AGMO: variants seen among roughly 807,000 people sequenced by gnomAD.
AGMO encodes glyceryl-ether monooxygenase.
Under a neutral mutation model 60.2 loss-of-function variants are expected in AGMO, and 75 were observed. That is an observed-to-expected ratio of 1.25 (90% confidence interval 1.03 to 1.51). The LOEUF is 1.51. Ranked by LOEUF, AGMO falls within the 40% of genes most tolerant of loss-of-function variation. The pLI is 0.00. For missense variants in AGMO, 763 were observed against 525.5 expected, an observed-to-expected ratio of 1.45 and a Z score of -4.42; for synonymous variants, 261 against 177.1, an observed-to-expected ratio of 1.47 and a Z score of -3.76.
chr7:15,526,800 T>TA (rs1562553009), intron 3 of AGMO, among the ~76,000 whole-genome samples: 1 of 152,026 alleles, frequency 6.6e-6, no homozygotes, highest in Non-Finnish European at 1.5e-5. Flanking sequence ...TCACCACCAT[T>TA]TTTCCAACAG....
rs778682979 is a variant in AGMO, at chr7:15,462,877, T to TA, written c.410-31770dup. On this transcript the variant is annotated intron_variant, in intron 3 of 12. Coordinates refer to ENST00000342526, the MANE Select transcript of AGMO (RefSeq NM_001004320.2). Reference sequence around the variant, plus strand: ...TCATGTCTGCCCTAAAAGTATCTTCTAAAACTCAATGAGTCAAATTTCCTG... The same window carrying TA: ...TCATGTCTGCCCTAAAAGTATCTTCTAAAAACTCAATGAGTCAAATTTCCTG... Among the ~76,000 whole-genome samples the TA allele has an allele frequency of 2.0e-5, 3 of 152,270 alleles. No individual in the cohort carries two copies. In the East Asian group the frequency reaches 5.8e-4, roughly 29 times the overall value.
At chr7:15,215,157 A>G (rs1781700590) in intron 12 of AGMO, among the ~76,000 whole-genome samples, 1 of 152,064 alleles carries the variant, frequency 6.6e-6, no homozygotes, top group Non-Finnish European at 1.5e-5. Context: ...AGTCCACCAC[A>G]GAGTATTTAC....
chr7:15,382,055 A>T (rs954284260), intron 10 of AGMO, among the ~76,000 whole-genome samples: 1 of 151,998 alleles, frequency 6.6e-6, no homozygotes, highest in Non-Finnish European at 1.5e-5. Context: ...AGAGGATTTT[A>T]CTATTGGGTA....
At chr7:15,252,092 C>T (rs56400203) in intron 12 of AGMO, among the ~76,000 whole-genome samples, 1 of 152,300 alleles carries the variant, frequency 6.6e-6, no homozygotes, top group Admixed American at 6.5e-5. Context: ...AGAAGTTTAA[C>T]TGAAGATCTG....
At chr7:15,412,311 A>C (rs1170522647) in intron 5 of AGMO, among the ~76,000 whole-genome samples, 1 of 152,020 alleles carries the variant, frequency 6.6e-6, no homozygotes, top group Non-Finnish European at 1.5e-5. Context: ...GCTGAGAAGA[A>C]TTTGTTTTCC....
chr7:15,244,563 A>C (rs574051671), intron 12 of AGMO, among the ~76,000 whole-genome samples: 1 of 151,886 alleles, frequency 6.6e-6, no homozygotes, highest in Non-Finnish European at 1.5e-5. Context: ...GGTGTACTAT[A>C]AACAGATTGA....
intron 10 of AGMO, among the ~76,000 whole-genome samples, chr7:15,370,121 T>C (rs1457876566): frequency 6.6e-6 from 1 of 152,154 alleles, no homozygotes; most frequent in Non-Finnish European, 1.5e-5. Flanking sequence ...GTACCCAATG[T>C]TTAGCTTCCA....
chr7:15,300,326 A>G (rs754171446), intron 12 of AGMO, among the ~76,000 whole-genome samples: 5 of 152,200 alleles, frequency 3.3e-5, no homozygotes, highest in Non-Finnish European at 7.3e-5. Context: ...CAACAAACAT[A>G]GAGTCCAGAT....
At chr7:15,137,288 C>CG in the AGMO span, among the ~76,000 whole-genome samples, 1 of 152,122 alleles carries the variant, frequency 6.6e-6, no homozygotes, top group Admixed American at 6.5e-5. Flanking sequence ...GGAACGATTA[C>CG]TTTTTTATAC....
At chr7:15,170,515 T>A in the AGMO span, among the ~76,000 whole-genome samples, 1 of 152,198 alleles carries the variant, frequency 6.6e-6, no homozygotes, top group Non-Finnish European at 1.5e-5. Context: ...TGCATACATC[T>A]ATATGCACTT....
At chr7:15,274,547 G>C (rs891872956) in intron 12 of AGMO, among the ~76,000 whole-genome samples, 3 of 151,942 alleles carry the variant, frequency 2.0e-5, no homozygotes, top group African/African-American at 7.2e-5. Context: ...TTGTGTTGTT[G>C]TGTCCTTTCT....
At chr7:15,455,392 A>T (rs987212846) in intron 3 of AGMO, among the ~76,000 whole-genome samples, 3 of 152,108 alleles carry the variant, frequency 2.0e-5, no homozygotes, top group African/African-American at 7.2e-5. Context: ...ATTTTTGGAC[A>T]TCATTTATGG....
At chr7:15,529,642 ATATACTAT>A (rs1429230017) in intron 3 of AGMO, among the ~76,000 whole-genome samples, 1 of 21,720 alleles carries the variant, frequency 4.6e-5, no homozygotes. Flanking sequence ...GAATATATAT[ATATACTAT>A]ATATTCTATA....
At chr7:15,418,364 C>T (rs530722139) in intron 5 of AGMO, among the ~76,000 whole-genome samples, 194 bp downstream of exon 5, 1 of 151,708 alleles carries the variant, frequency 6.6e-6, no homozygotes, top group African/African-American at 2.4e-5. Flanking sequence ...TAATTGAGAC[C>T]AACTGGCCTC....
intron 2 of AGMO, among the ~76,000 whole-genome samples, chr7:15,547,291 GGAAGAAAGATTAAAACAGGGA>G (rs1291940872): frequency 6.6e-6 from 1 of 152,074 alleles, no homozygotes; most frequent in Non-Finnish European, 1.5e-5. Context: ...CAACTGATCT[GGAAGAAAGATTAAAACAGGGA>G]GCCAAGATGG....
At chr7:15,251,891 A>G (rs1782948201) in intron 12 of AGMO, among the ~76,000 whole-genome samples, 1 of 152,236 alleles carries the variant, frequency 6.6e-6, no homozygotes, top group Non-Finnish European at 1.5e-5. Flanking sequence ...TGCAAGAGGC[A>G]TGCTAGTTAT....
intron 3 of AGMO, among the ~76,000 whole-genome samples, chr7:15,463,674 A>C (rs1305376964): frequency 6.6e-6 from 1 of 152,136 alleles, no homozygotes; most frequent in Non-Finnish European, 1.5e-5. Context: ...GAGCCAGTGC[A>C]TCTATCTAGA....
intron 3 of AGMO, among the ~76,000 whole-genome samples, chr7:15,542,956 T>A (rs532907064): frequency 2.6e-4 from 40 of 152,320 alleles, no homozygotes; most frequent in Non-Finnish European, 7.4e-5. Flanking sequence ...TAAACGATGC[T>A]ATATTTAAAT....
intron 12 of AGMO, among the ~76,000 whole-genome samples, chr7:15,353,327 G>T (rs1348709469): frequency 6.6e-6 from 1 of 152,152 alleles, no homozygotes; most frequent in African/African-American, 2.4e-5. Flanking sequence ...CATGCAGAAA[G>T]CTGGATTTCT....
Sources: gnomAD v4.1 joint callset for allele counts (sites outside exome capture counted in the v4.1 genomes callset) on GRCh38, gnomAD v4.1.1 for gene constraint, MANE v1.5 for transcripts, NCBI Gene and HGNC (gene_info 2026-07-23, HGNC 2026-07-21) for gene names.